Variants in EFCAB12 observed in about 807,000 individuals in gnomAD.
EFCAB12 encodes EF-hand calcium-binding domain-containing protein 12.
EFCAB12 carries 43 observed loss-of-function variants against 53.6 expected under a neutral mutation model. The ratio of observed to expected loss-of-function variants is 0.80; its 90% CI spans 0.63 to 1.03. The LOEUF (loss-of-function observed/expected upper bound fraction) is 1.03, where lower values mean the gene tolerates loss of function less well. EFCAB12 is among the 50% of genes least tolerant of loss of function. EFCAB12 has a pLI of 0.00. For missense variants in EFCAB12, 646 were observed against 730.6 expected, an observed-to-expected ratio of 0.88 and a Z score of 1.34; for synonymous variants, 269 against 289.2, an observed-to-expected ratio of 0.93 and a Z score of 0.71.
At chr3:129,407,037 T>C (rs1430969013) in intron 6 of EFCAB12, among the ~76,000 whole-genome samples, 1 of 152,136 alleles carries the variant, frequency 6.6e-6, no homozygotes, top group Non-Finnish European at 1.5e-5. Context: ...GGAGATAAAG[T>C]CTTGAAGGAG....
chr3:129,408,894 C>A, intron 5 of EFCAB12, 36 bp from the exon 6 acceptor site: 1 of 1,545,488 alleles, frequency 6.5e-7, no homozygotes, highest in South Asian at 1.2e-5. Context: ...GCCCTTCTCT[C>A]GCCTGTGTCC....
chr3:129,425,623 T>G (rs2072261705), intron 1 of EFCAB12, among the ~76,000 whole-genome samples: 1 of 152,108 alleles, frequency 6.6e-6, no homozygotes, highest in African/African-American at 2.4e-5. Context: ...CCACCAAACC[T>G]CCTCAGGGAG....
chr3:129,411,325 G>A lies in EFCAB12; in HGVS notation c.868C>T (p.Leu290=). The change falls in exon 5 of 9, where the codon CTG becomes TTG. Residue 290 remains leucine, a synonymous_variant. Coordinates refer to ENST00000505956, the MANE Select transcript of EFCAB12 (RefSeq NM_207307.3). ...HYILAKHRDS[L]KGPLKKQEVD... is the part of the protein sequence containing the mutation. ...TCCTGCTTCTTGAGCGGACCCTTCAGGGAATCTCTGTGCTTGGCCAAGATA... is the reference window on the plus strand; with the variant it reads ...TCCTGCTTCTTGAGCGGACCCTTCAAGGAATCTCTGTGCTTGGCCAAGATA... 1 of 1,597,808 alleles carries A rather than the reference G, an allele frequency of 6.3e-7. No individual in the cohort carries two copies. The highest frequency in any genetic ancestry group is 8.5e-7 in the Non-Finnish European group (1 of 1,169,688).
intron 5 of EFCAB12, among the ~76,000 whole-genome samples, chr3:129,410,200 G>A (rs1391630918): frequency 6.6e-6 from 1 of 151,958 alleles, no homozygotes; most frequent in African/African-American, 2.4e-5. Flanking sequence ...TGTAGAGACG[G>A]GGCCTTGCTG....
chr3:129,415,638 ACTC>A (rs1482150128), intron 3 of EFCAB12, among the ~76,000 whole-genome samples: 1 of 150,536 alleles, frequency 6.6e-6, no homozygotes, highest in African/African-American at 2.4e-5. Context: ...TGCCTGAAAA[ACTC>A]CTATCCCTCC....
At chr3:129,411,643 T>C (rs774708039) in intron 4 of EFCAB12, 3 of 293,840 alleles carry the variant, frequency 1.0e-5, no homozygotes, top group East Asian at 6.8e-5. Context: ...CTTTAAAAAA[T>C]ATAGAGTATA....
intron 1 of EFCAB12, 117 bp downstream of exon 1, chr3:129,428,323 C>T: frequency 7.2e-7 from 1 of 1,394,706 alleles, no homozygotes; most frequent in Non-Finnish European, 9.9e-7. Flanking sequence ...TCCATGGCAA[C>T]CCTTCACCCA....
At chr3:129,422,816 T>A (rs9867364) in intron 1 of EFCAB12, among the ~76,000 whole-genome samples, 9,741 of 152,184 alleles carry the variant, frequency 0.064, 948 homozygotes, top group East Asian at 0.44. Context: ...CCCATTCCTT[T>A]TTGTCTCACA....
rs371492838 is a variant in EFCAB12 at position 129,401,575 on chromosome 3, G to A, written c.*18C>T. On this transcript the variant is annotated 3_prime_UTR_variant, in exon 9 of 9. Coordinates refer to ENST00000505956, the MANE Select transcript of EFCAB12 (RefSeq NM_207307.3). The stretch of plus-strand genomic sequence containing the variant: ...CCCCTGGCCCAGGAAGGCTGGGTCC[G>A]GCAACACCTGGCTAGCTCTAGTTGA... 1.7e-5 allele frequency: 25 copies of A among 1,503,854 alleles called. No individual in the cohort carries two copies. The highest frequency in any genetic ancestry group is 1.4e-4 in the African/African-American group (10 of 72,268). The allele number at this position is 1,503,854 out of a possible 1,614,324, so 93.2% of individuals were successfully genotyped here.
chr3:129,410,947 C>T (rs1294415975), intron 5 of EFCAB12, among the ~76,000 whole-genome samples: 2 of 152,164 alleles, frequency 1.3e-5, no homozygotes, highest in Admixed American at 6.5e-5. Context: ...GTGATAGTTT[C>T]AGAAACAGGA....
intron 5 of EFCAB12, among the ~76,000 whole-genome samples, chr3:129,410,089 C>G (rs1029906435): frequency 4.0e-5 from 6 of 151,896 alleles, no homozygotes; most frequent in Non-Finnish European, 8.8e-5. Flanking sequence ...CTCACTGCAG[C>G]CTTGGCCTCC....
chr3:129,405,342 G>A (rs949385142), intron 6 of EFCAB12, among the ~76,000 whole-genome samples: 22 of 152,190 alleles, frequency 1.4e-4, no homozygotes, highest in Non-Finnish European at 1.8e-4. Context: ...TGGTTATTTG[G>A]GGGTTGGGAA....
At chr3:129,418,502 G>A in intron 2 of EFCAB12, 54 bp from the exon 3 acceptor site, 1 of 1,484,818 alleles carries the variant, frequency 6.7e-7, no homozygotes. Flanking sequence ...AGACAGGCCA[G>A]GCGGATGCAG....
intron 2 of EFCAB12, among the ~76,000 whole-genome samples, chr3:129,420,120 A>G (rs985088801): frequency 1.3e-5 from 2 of 152,184 alleles, no homozygotes; most frequent in Admixed American, 6.5e-5. Flanking sequence ...AGACCCATGA[A>G]ATTAGGATTT....
At chr3:129,409,149 A>G in intron 5 of EFCAB12, among the ~76,000 whole-genome samples, 1 of 152,226 alleles carries the variant, frequency 6.6e-6, no homozygotes, top group East Asian at 1.9e-4. Context: ...GAGGCGTCCT[A>G]TTGAAAAAGG....
chr3:129,421,502 C>T lies in EFCAB12; in HGVS notation c.351G>A (p.Glu117=), dbSNP rs772714202. ...SQRSKLRQEL[E]SFGDVKRWLE... ...GCCACCTCTTTACATCACCAAAGGACTCTAGCTCCTGCCGCAGCTTCGACC... is the reference window on the plus strand; with the variant it reads ...GCCACCTCTTTACATCACCAAAGGATTCTAGCTCCTGCCGCAGCTTCGACC... The change falls in exon 2 of 9, where the codon GAG becomes GAA. Residue 117 remains glutamate, a synonymous_variant. Transcript: ENST00000505956. 2 of 1,614,038 alleles carry T rather than the reference C, an allele frequency of 1.2e-6. No homozygotes were observed. The highest frequency in any genetic ancestry group is 2.2e-5 in the South Asian group (2 of 91,088).
chr3:129,409,208 G>C (rs947555749), intron 5 of EFCAB12, among the ~76,000 whole-genome samples: 1 of 152,232 alleles, frequency 6.6e-6, no homozygotes, highest in Non-Finnish European at 1.5e-5. Context: ...CCAGCACTTC[G>C]GGAGGCCGAG....
intron 2 of EFCAB12, 29 bp downstream of exon 2, chr3:129,421,338 G>A (rs2107741812): frequency 6.3e-7 from 1 of 1,578,628 alleles, no homozygotes; most frequent in Non-Finnish European, 8.6e-7. Context: ...AACCCTTGGT[G>A]TCTTCATCTG....
At position 129,404,154 on chromosome 3, in the gene EFCAB12, T is replaced by C. The variant is rs889804997; in HGVS notation, c.1403+96A>G. 3.3e-6 allele frequency: 5 copies of C among 1,500,250 alleles called. No homozygotes were observed. In the South Asian group the frequency reaches 5.2e-5, roughly 16 times the overall value. 92.9% of individuals were successfully genotyped at this position (1,500,250 alleles called of 1,614,324 possible). A position where few individuals can be genotyped will look rare whatever the true frequency, so the allele number is the denominator to read the frequency against. On this transcript the variant is annotated intron_variant, in intron 7 of 8. Coordinates refer to ENST00000505956, the MANE Select transcript of EFCAB12 (RefSeq NM_207307.3). Reference sequence around the variant, plus strand: ...CTAGGATGCAGACGCAAGCACAGCATGGCGCCCCAGGTACTCCAGCCTCCA... The same window carrying C: ...CTAGGATGCAGACGCAAGCACAGCACGGCGCCCCAGGTACTCCAGCCTCCA...
Sources: gnomAD v4.1 joint callset for allele counts (sites outside exome capture counted in the v4.1 genomes callset) on GRCh38, gnomAD v4.1.1 for gene constraint, MANE v1.5 for transcripts, NCBI Gene and HGNC (gene_info 2026-07-23, HGNC 2026-07-21) for gene names.